Variants in SLC13A1 observed in about 807,000 individuals in gnomAD.
SLC13A1 encodes the protein solute carrier family 13 member 1, also known as Na(+)/sulfate cotransporter.
A neutral mutation model predicts 70.0 loss-of-function variants in SLC13A1; 65 were observed. The observed-to-expected ratio is 0.93, with a 90% CI of 0.76 to 1.14. The LOEUF is 1.14. Among genes scored for constraint, SLC13A1 ranks in the 50% most tolerant of loss-of-function variants. The probability of loss-of-function intolerance (pLI) is 0.00; values close to 1 mark genes in which losing one functional copy is unlikely to be tolerated. For missense variants in SLC13A1, 726 were observed against 717.8 expected (o/e 1.01, Z -0.13); for synonymous variants, 275 against 250.5 (o/e 1.10, Z -0.92).
At chr7:123,162,980 C>T (rs1794962062) in intron 6 of SLC13A1, among the ~76,000 whole-genome samples, 1 of 152,028 alleles carries the variant, frequency 6.6e-6, no homozygotes, top group South Asian at 2.1e-4. Context: ...TACTGATTTT[C>T]CAATCTCTTT....
At chr7:123,199,756 T>A (rs1290875904) in intron 1 of SLC13A1, 92 bp downstream of exon 1, 3 of 911,984 alleles carry the variant, frequency 3.3e-6, no homozygotes, top group Non-Finnish European at 1.7e-6. Context: ...TTCATTCAGC[T>A]CTGAGCCAGG....
intron 6 of SLC13A1, among the ~76,000 whole-genome samples, chr7:123,167,682 A>C (rs184519351): frequency 2.0e-5 from 3 of 152,120 alleles, no homozygotes; most frequent in Admixed American, 6.6e-5. Flanking sequence ...GATAGTTTAC[A>C]GAGATCTCCT....
chr7:123,148,304 T>C, intron 6 of SLC13A1: 1 of 319,536 alleles, frequency 3.1e-6, no homozygotes, highest in South Asian at 2.4e-5. Context: ...CTACACTATG[T>C]TCATGAATAG....
Position 123,197,133 on chromosome 7 carries a change from T to C in SLC13A1, c.99+2715A>G, listed in dbSNP as rs1257365794. Among the ~76,000 whole-genome samples, 4 of 152,080 alleles carry C rather than the reference T, an allele frequency of 2.6e-5. No homozygotes were observed. In the East Asian group the frequency reaches 7.7e-4, roughly 29 times the overall value. The stretch of plus-strand genomic sequence containing the variant: ...TGTTAATAGTACATTGAAAAACCAG[T>C]TAGGGTCTTTCTTCATTCATGGCAC... On this transcript the variant is annotated intron_variant, in intron 1 of 14. Transcript: ENST00000194130.
chr7:123,173,115 C>A (rs182751514), intron 2 of SLC13A1, among the ~76,000 whole-genome samples: 236 of 152,032 alleles, frequency 1.6e-3, no homozygotes, highest in African/African-American at 5.4e-3. Context: ...AAAAATCAAA[C>A]AATAGCTAAT....
chr7:123,130,248 T>C (rs886278568), intron 8 of SLC13A1, among the ~76,000 whole-genome samples: 6 of 152,192 alleles, frequency 3.9e-5, no homozygotes, highest in Non-Finnish European at 7.3e-5. Context: ...CATTCTGTTT[T>C]AATGATACAT....
intron 6 of SLC13A1, among the ~76,000 whole-genome samples, chr7:123,159,102 A>T (rs1386102756): frequency 1.3e-5 from 2 of 152,108 alleles, no homozygotes; most frequent in Non-Finnish European, 2.9e-5. Context: ...AAAATTGGAA[A>T]ATGGCATGTA....
intron 1 of SLC13A1, among the ~76,000 whole-genome samples, chr7:123,193,166 A>T (rs1796056473): frequency 6.6e-6 from 1 of 152,138 alleles, no homozygotes; most frequent in Non-Finnish European, 1.5e-5. Flanking sequence ...CTCCAGAATC[A>T]CCTGGGGAGT....
chr7:123,159,395 TA>T (rs889043098), intron 6 of SLC13A1, among the ~76,000 whole-genome samples: 10 of 152,194 alleles, frequency 6.6e-5, no homozygotes, highest in African/African-American at 2.4e-4. Flanking sequence ...TCCCTCTTTC[TA>T]CTGCATGTGC....
At chr7:123,138,036 C>G (rs1328099172) in intron 7 of SLC13A1, among the ~76,000 whole-genome samples, 1 of 151,974 alleles carries the variant, frequency 6.6e-6, no homozygotes, top group South Asian at 2.1e-4. Flanking sequence ...AATTTTGTAC[C>G]CATTAACCAT....
intron 2 of SLC13A1, among the ~76,000 whole-genome samples, chr7:123,180,765 T>A (rs1795610156): frequency 6.6e-6 from 1 of 152,074 alleles, no homozygotes; most frequent in Admixed American, 6.6e-5. Flanking sequence ...CCCACTGACA[T>A]GCATGACTCA....
At chr7:123,137,877 G>A (rs1794005175) in intron 7 of SLC13A1, among the ~76,000 whole-genome samples, 1 of 152,058 alleles carries the variant, frequency 6.6e-6, no homozygotes, top group South Asian at 2.1e-4. Context: ...TAGAAATGGG[G>A]TTATCCATCC....
At chr7:123,129,611 C>T (rs578030319) in intron 8 of SLC13A1, 130 bp from the exon 9 acceptor site, 6 of 655,430 alleles carry the variant, frequency 9.2e-6, no homozygotes, top group Admixed American at 2.5e-5. Flanking sequence ...TGAATCTCCC[C>T]GTTAATAACA....
At chr7:123,122,457 C>T (rs1472296490) in intron 12 of SLC13A1, among the ~76,000 whole-genome samples, 2 of 152,062 alleles carry the variant, frequency 1.3e-5, no homozygotes, top group South Asian at 4.2e-4. Context: ...AATTTTCTTC[C>T]AACAACTCTA....
chr7:123,192,748 G>T (rs1339670112), intron 1 of SLC13A1, among the ~76,000 whole-genome samples: 1 of 152,046 alleles, frequency 6.6e-6, no homozygotes, highest in African/African-American at 2.4e-5. Context: ...GGCTTTGTAT[G>T]GTTCTTGGTA....
chr7:123,198,137 G>A (rs1034017506), intron 1 of SLC13A1, among the ~76,000 whole-genome samples: 6 of 151,970 alleles, frequency 3.9e-5, no homozygotes, highest in African/African-American at 1.4e-4. Flanking sequence ...AGGACTCATG[G>A]GACCAGGAGA....
At chr7:123,150,882 C>T (rs1794530852) in intron 6 of SLC13A1, among the ~76,000 whole-genome samples, 1 of 152,082 alleles carries the variant, frequency 6.6e-6, no homozygotes, top group African/African-American at 2.4e-5. Context: ...TAAGCTGTCA[C>T]AGGCCCTTGT....
At chr7:123,137,713 G>A (rs1793999091) in intron 7 of SLC13A1, among the ~76,000 whole-genome samples, 1 of 152,126 alleles carries the variant, frequency 6.6e-6, no homozygotes, top group Non-Finnish European at 1.5e-5. Context: ...AGCCTGGTAA[G>A]ATCCTGAGCA....
At chr7:123,194,536 G>A (rs1472390828) in intron 1 of SLC13A1, among the ~76,000 whole-genome samples, 1 of 151,990 alleles carries the variant, frequency 6.6e-6, no homozygotes, top group African/African-American at 2.4e-5. Context: ...TTTCACAATT[G>A]GACTGAGTTG....
Sources: gnomAD v4.1 joint callset for allele counts (sites outside exome capture counted in the v4.1 genomes callset) on GRCh38, gnomAD v4.1.1 for gene constraint, MANE v1.5 for transcripts, NCBI Gene and HGNC (gene_info 2026-07-23, HGNC 2026-07-21) for gene names.